RALGAPA1: variants seen among roughly 807,000 people sequenced by gnomAD.
RALGAPA1 encodes the protein ral GTPase-activating protein subunit alpha-1.
A neutral mutation model predicts 269.6 loss-of-function variants in RALGAPA1; 52 were observed. The observed-to-expected ratio is 0.19, with a 90% CI of 0.15 to 0.24. The LOEUF is 0.24. Among genes scored for constraint, RALGAPA1 ranks in the 10% least tolerant of loss-of-function variants. The pLI is 1.00. For synonymous variants in RALGAPA1, 817 were observed against 1,008.3 expected (o/e 0.81, Z 3.60); for missense variants, 1,917 against 3,013.9 (o/e 0.64, Z 8.52).
intron 31 of RALGAPA1, among the ~76,000 whole-genome samples, chr14:35,644,010 G>A (rs946694184): frequency 6.6e-6 from 1 of 152,116 alleles, no homozygotes. Context: ...TAACTGAATT[G>A]TACATTTAAA....
intron 12 of RALGAPA1, among the ~76,000 whole-genome samples, chr14:35,737,711 A>G (rs548708417): frequency 3.8e-5 from 5 of 130,172 alleles, no homozygotes; most frequent in Non-Finnish European, 7.9e-5. Context: ...GTGAGCCGAG[A>G]TCGTGCCATT....
intron 37 of RALGAPA1, among the ~76,000 whole-genome samples, chr14:35,588,496 A>C (rs2058447339): frequency 6.6e-6 from 1 of 152,242 alleles, no homozygotes; most frequent in Admixed American, 6.5e-5. Context: ...ATAGAAAATA[A>C]TCTACTTTGT....
chr14:35,666,664 A>G (rs2063967573), intron 26 of RALGAPA1, among the ~76,000 whole-genome samples: 1 of 152,256 alleles, frequency 6.6e-6, no homozygotes, highest in Non-Finnish European at 1.5e-5. Flanking sequence ...GAACCAGAAA[A>G]TGCAAAAAAT....
At chr14:35,670,045 G>T (rs1008257735) in intron 26 of RALGAPA1, among the ~76,000 whole-genome samples, 1 of 152,170 alleles carries the variant, frequency 6.6e-6, no homozygotes, top group East Asian at 1.9e-4. Flanking sequence ...TATAAATACC[G>T]CTGCTGCTTT....
intron 3 of RALGAPA1, among the ~76,000 whole-genome samples, chr14:35,774,523 G>C (rs1198339742): frequency 6.6e-6 from 1 of 151,346 alleles, no homozygotes; most frequent in Non-Finnish European, 1.5e-5. Flanking sequence ...TATTTATAAA[G>C]ACTTGCCCCA....
At chr14:35,693,372 T>C (rs1221289371) in intron 17 of RALGAPA1, among the ~76,000 whole-genome samples, 2 of 151,772 alleles carry the variant, frequency 1.3e-5, no homozygotes, top group Non-Finnish European at 3.0e-5. Context: ...TTGCTAAAAA[T>C]AATGGTGGCA....
At chr14:35,765,903 G>A in intron 4 of RALGAPA1, 1 of 1,080,988 alleles carries the variant, frequency 9.3e-7, no homozygotes, top group Non-Finnish European at 1.4e-6. Flanking sequence ...AAATTTAGAT[G>A]AGTTTGCTAT....
intron 1 of RALGAPA1, among the ~76,000 whole-genome samples, chr14:35,795,946 C>T (rs1349501723): frequency 6.6e-6 from 1 of 151,620 alleles, no homozygotes; most frequent in Non-Finnish European, 1.5e-5. Flanking sequence ...CCCCCAAAAA[C>T]AGAACGAAAC....
chr14:35,593,604 C>T (rs532444192), intron 37 of RALGAPA1, among the ~76,000 whole-genome samples: 4 of 152,096 alleles, frequency 2.6e-5, no homozygotes, highest in Non-Finnish European at 5.9e-5. Context: ...GTGGCTTACA[C>T]CTATAATCCC....
intron 16 of RALGAPA1, among the ~76,000 whole-genome samples, chr14:35,715,303 T>C (rs2068714929): frequency 6.6e-6 from 1 of 152,328 alleles, no homozygotes; most frequent in Admixed American, 6.5e-5. Flanking sequence ...ACTGATTCTC[T>C]CTTTATTTAT....
At chr14:35,590,817 T>C (rs2058589190) in intron 37 of RALGAPA1, among the ~76,000 whole-genome samples, 1 of 152,220 alleles carries the variant, frequency 6.6e-6, no homozygotes, top group Non-Finnish European at 1.5e-5. Context: ...CAAAGCTTAT[T>C]AGTGAAGTGC....
chr14:35,654,588 AT>A, intron 29 of RALGAPA1, 111 bp from the exon 30 acceptor site: 1 of 1,253,044 alleles, frequency 8.0e-7, no homozygotes, highest in Non-Finnish European at 1.1e-6. Flanking sequence ...TAAATCCTAC[AT>A]TTATAGGTGA....
intron 18 of RALGAPA1, among the ~76,000 whole-genome samples, chr14:35,687,569 T>C (rs934885540): frequency 2.0e-5 from 3 of 152,230 alleles, no homozygotes; most frequent in Non-Finnish European, 2.9e-5. Flanking sequence ...TTGTTAATCA[T>C]GCTAACAAAA....
intron 30 of RALGAPA1, among the ~76,000 whole-genome samples, chr14:35,653,719 C>A (rs890303095): frequency 1.3e-5 from 2 of 151,236 alleles, no homozygotes; most frequent in African/African-American, 2.4e-5. Context: ...AAGAGCAAGA[C>A]CACACAAACC....
At chr14:35,679,159 G>C (rs1283919036) in intron 21 of RALGAPA1, among the ~76,000 whole-genome samples, 1 of 152,148 alleles carries the variant, frequency 6.6e-6, no homozygotes, top group Non-Finnish European at 1.5e-5. Flanking sequence ...ACTTGTGGTG[G>C]TTATAATATA....
intron 35 of RALGAPA1, among the ~76,000 whole-genome samples, chr14:35,622,213 A>T (rs1243841943): frequency 6.6e-6 from 1 of 152,212 alleles, no homozygotes; most frequent in Non-Finnish European, 1.5e-5. Context: ...TGTCCTTTGC[A>T]GGGACATGGA....
At chr14:35,762,274 A>C (rs2073776432) in intron 5 of RALGAPA1, among the ~76,000 whole-genome samples, 2 of 151,604 alleles carry the variant, frequency 1.3e-5, no homozygotes, top group South Asian at 4.2e-4. Context: ...TTTTGTTTTT[A>C]AGATACAGTC....
At chr14:35,614,873 A>C (rs2060155721) in intron 35 of RALGAPA1, among the ~76,000 whole-genome samples, 2 of 152,142 alleles carry the variant, frequency 1.3e-5, no homozygotes, top group African/African-American at 4.8e-5. Flanking sequence ...GCTGGATAGA[A>C]ATCTTCATCT....
chr14:35,633,139 T>C (rs2061458738), intron 33 of RALGAPA1, among the ~76,000 whole-genome samples: 1 of 152,176 alleles, frequency 6.6e-6, no homozygotes, highest in Non-Finnish European at 1.5e-5. Context: ...AAATCTAAAA[T>C]TAAAACTTCC....
Sources: gnomAD v4.1 joint callset for allele counts (sites outside exome capture counted in the v4.1 genomes callset) on GRCh38, gnomAD v4.1.1 for gene constraint, MANE v1.5 for transcripts, NCBI Gene and HGNC (gene_info 2026-07-23, HGNC 2026-07-21) for gene names.